The following MATR3 variants were observed in gnomAD, a reference collection of about 807,000 sequenced individuals.
MATR3 encodes the protein matrin 3, also known as matrin-3.
MATR3 carries 4 observed loss-of-function variants against 85.5 expected under a neutral mutation model. The observed-to-expected ratio is 0.05, with a 90% confidence interval of 0.02 to 0.11. The LOEUF (loss-of-function observed/expected upper bound fraction) is 0.11, where lower values mean the gene tolerates loss of function less well. Ranked by LOEUF, MATR3 falls within the 10% of genes least tolerant of loss-of-function variation. The pLI is 1.00. For synonymous variants in MATR3, 336 were observed against 343.1 expected (o/e 0.98, Z 0.23); for missense variants, 685 against 1,016.1 (o/e 0.67, Z 4.43).
At position 139,317,011 on chromosome 5, in the gene MATR3, G is replaced by A. The variant is rs986989073; in HGVS notation, c.1130-42G>A. Reference sequence around the variant, plus strand: ...TCAGTAAAATTGCTTCTTTAAGCAAGTATAGTGATTACAAGACTGAAAACT... The same window carrying A: ...TCAGTAAAATTGCTTCTTTAAGCAAATATAGTGATTACAAGACTGAAAACT... On this transcript the variant is annotated intron_variant, in intron 5 of 14. Transcript: ENST00000394805. 10 of 1,567,390 alleles carry A rather than the reference G, an allele frequency of 6.4e-6. No homozygotes were observed. In the Admixed American group the frequency reaches 1.2e-4, roughly 18 times the overall value.
rs1755656491 is a variant in MATR3 at position 139,322,983 on chromosome 5, T to C, written c.2148+16T>C. The C allele has an allele frequency of 1.9e-6, 3 of 1,542,936 alleles. No homozygotes were observed. Among genetic ancestry groups the C allele is most frequent in the African/African-American group, 2.7e-5 (2 of 74,114 alleles). On this transcript the variant is annotated intron_variant, in intron 12 of 14. Coordinates refer to ENST00000394805, the MANE Select transcript of MATR3 (RefSeq NM_018834.6). Reference sequence around the variant, plus strand: ...GCTTAAAAAGGTAAAGAAAGATACATTGATTTGTTTTAATAGAACATTAGA... The same window carrying C: ...GCTTAAAAAGGTAAAGAAAGATACACTGATTTGTTTTAATAGAACATTAGA...
At chr5:139,278,834 T>C (rs1478607615) in intron 2 of MATR3, 1 of 517,284 alleles carries the variant, frequency 1.9e-6, no homozygotes, top group Admixed American at 1.9e-5. Context: ...GGTGTTACAC[T>C]GTTGGAAGAG....
rs746778185 is a variant in MATR3 at position 139,318,949 on chromosome 5, A to G, written c.1350A>G (p.Ala450=). ...CAACCACAGAGGATGCTCAGGCCGC[A>G]GTGGATTATTACACAACCACACCAG... ...EMATTEDAQA[A]VDYYTTTPAL... The change falls in exon 8 of 15, where the codon GCA becomes GCG. Residue 450 remains alanine, a synonymous_variant. Coordinates refer to ENST00000394805, the MANE Select transcript of MATR3 (RefSeq NM_018834.6). 4.3e-6 allele frequency: 7 copies of G among 1,614,008 alleles called. No individual in the cohort carries two copies. The East Asian group carries it at 1.3e-4, about 31-fold the overall frequency.
intron 12 of MATR3, 114 bp from the exon 13 acceptor site, chr5:139,325,326 G>C (rs1272335138): frequency 1.3e-6 from 2 of 1,571,126 alleles, no homozygotes; most frequent in Non-Finnish European, 1.7e-6. Flanking sequence ...GGAAGGTTTT[G>C]TCACTCTAGA....
chr5:139,318,682 T>C (rs1013652397), intron 7 of MATR3, among the ~76,000 whole-genome samples: 1 of 152,272 alleles, frequency 6.6e-6, no homozygotes, highest in Non-Finnish European at 1.5e-5. Context: ...TTCAACCTCG[T>C]GATCCGCCTG....
chr5:139,311,650 A>G (rs1754979145), intron 2 of MATR3: 1 of 150,188 alleles, frequency 6.7e-6, no homozygotes, highest in South Asian at 2.1e-4. Flanking sequence ...GTAGGATAAC[A>G]TTTATTTCTC....
chr5:139,315,532 T>A (rs2151983040), intron 3 of MATR3, 165 bp from the exon 4 acceptor site: 1 of 545,258 alleles, frequency 1.8e-6, no homozygotes, highest in East Asian at 3.0e-5. Flanking sequence ...AGTTCTGAAA[T>A]TTTTCTTTTG....
At chr5:139,302,029 A>G (rs542546773) in intron 1 of MATR3, among the ~76,000 whole-genome samples, 1 of 152,362 alleles carries the variant, frequency 6.6e-6, no homozygotes, top group Non-Finnish European at 1.5e-5. Context: ...GTCTTAAAGC[A>G]CTTGAAAATA....
chr5:139,290,438 C>CTTT (rs762364450), upstream of MATR3, among the ~76,000 whole-genome samples: 1,938 of 44,918 alleles, frequency 0.043, 582 homozygotes, highest in Middle Eastern at 0.094. Flanking sequence ...CCTGGCCGCT[C>CTTT]TTTTTTTTTT....
chr5:139,319,240 T>C (rs1195018852), intron 8 of MATR3, 94 bp from the exon 9 acceptor site: 2 of 1,410,156 alleles, frequency 1.4e-6, no homozygotes, highest in East Asian at 2.3e-5. Context: ...CTCGTCTCTA[T>C]AAAAATAAAA....
intron 12 of MATR3, chr5:139,325,214 C>G: frequency 1.3e-6 from 2 of 1,507,720 alleles, no homozygotes; most frequent in Admixed American, 2.3e-5. Flanking sequence ...GGCAAAGACG[C>G]TATCCGTTTC....
At chr5:139,304,957 A>G (rs375059687) in intron 1 of MATR3, among the ~76,000 whole-genome samples, 1 of 152,206 alleles carries the variant, frequency 6.6e-6, no homozygotes, top group East Asian at 1.9e-4. Flanking sequence ...TTTTTCAACA[A>G]TGTTGCCACA....
Position 139,316,194 on chromosome 5 carries a change from T to G in MATR3, c.1129+6T>G. 6.5e-7 allele frequency: 1 copy of G among 1,548,352 alleles called. No individual in the cohort carries two copies. The highest frequency in any genetic ancestry group is 8.9e-7 in the Non-Finnish European group (1 of 1,123,744). ...TGGACCAAGAGGAAATCTGGGTAAT[T>G]ATATAAAATTCATGTTACTTTTCCC... On this transcript the variant is annotated splice_donor_region_variant and intron_variant, in intron 5 of 14. Transcript: ENST00000394805.
intron 1 of MATR3, among the ~76,000 whole-genome samples, chr5:139,298,440 C>G (rs1301058234): frequency 6.6e-6 from 1 of 152,060 alleles, no homozygotes. Flanking sequence ...GTCGTGATGG[C>G]GCGTTCCTGT....
chr5:139,297,454 G>A (rs1397583149), intron 1 of MATR3, among the ~76,000 whole-genome samples: 3 of 152,184 alleles, frequency 2.0e-5, no homozygotes, highest in Non-Finnish European at 2.9e-5. Flanking sequence ...ATAATTAAAA[G>A]TAAAACAGAA....
intron 1 of MATR3, among the ~76,000 whole-genome samples, chr5:139,299,388 G>A (rs1754324494): frequency 6.6e-6 from 1 of 152,186 alleles, no homozygotes; most frequent in African/African-American, 2.4e-5. Flanking sequence ...AAAATTATAT[G>A]TGAGGCAGGG....
chr5:139,325,224 C>T, intron 12 of MATR3: 1 of 1,525,002 alleles, frequency 6.6e-7, no homozygotes, highest in South Asian at 1.3e-5. Flanking sequence ...CTATCCGTTT[C>T]CCTTCAAGTA....
At chr5:139,312,265 G>A (rs1426371242) in intron 2 of MATR3, 4 of 151,858 alleles carry the variant, frequency 2.6e-5, no homozygotes, top group African/African-American at 7.3e-5. Flanking sequence ...ACCACATCTG[G>A]CGTTTTTTTC....
intron 3 of MATR3, among the ~76,000 whole-genome samples, chr5:139,285,086 C>T (rs544262751): frequency 6.6e-6 from 1 of 152,328 alleles, no homozygotes; most frequent in Non-Finnish European, 1.5e-5. Flanking sequence ...ATGAATCTGG[C>T]TCCAAAAGTA....
Sources: gnomAD v4.1 joint callset for allele counts (sites outside exome capture counted in the v4.1 genomes callset) on GRCh38, gnomAD v4.1.1 for gene constraint, MANE v1.5 for transcripts, NCBI Gene and HGNC (gene_info 2026-07-23, HGNC 2026-07-21) for gene names.